The following NRDC variants were observed in gnomAD, a reference collection of about 807,000 sequenced individuals.
NRDC encodes the protein nardilysin convertase, also known as nardilysin.
NRDC carries 54 observed loss-of-function variants against 147.1 expected under a neutral mutation model. The observed-to-expected ratio is 0.37, with a 90% confidence interval of 0.29 to 0.46. The LOEUF is 0.46. Ranked by LOEUF, NRDC falls within the 20% of genes least tolerant of loss-of-function variation. The pLI, the probability that NRDC is intolerant of heterozygous loss-of-function variation, is 1.00. For synonymous variants in NRDC, 440 were observed against 482.1 expected, an observed-to-expected ratio of 0.91 and a Z score of 1.14; for missense variants, 1,082 against 1,370.6, an observed-to-expected ratio of 0.79 and a Z score of 3.33.
At chr1:51,803,522 T>A (rs1167342787) in intron 20 of NRDC, among the ~76,000 whole-genome samples, 1 of 150,340 alleles carries the variant, frequency 6.7e-6, no homozygotes, top group Admixed American at 6.6e-5. Flanking sequence ...AAAATTTAGC[T>A]AGAACCAATC....
In NRDC at chr1:51,789,291, A is replaced by AT; in HGVS notation, c.3400dup (p.Ile1134AsnfsTer15). ...GTTGAGTGTTGTTGTGAAAGCCCTG[A>AT]TATCAGTAATGGGGATGATACAATC... is the stretch of plus-strand genomic sequence containing the variant. On this transcript the variant is annotated frameshift_variant, in exon 31 of 31. Coordinates refer to ENST00000352171, the MANE Select transcript of NRDC (RefSeq NM_001101662.2). LOFTEE classifies it high-confidence loss of function. 3 of 1,614,160 alleles carry AT rather than the reference A, an allele frequency of 1.9e-6. No homozygotes were observed. Among genetic ancestry groups the AT allele is most frequent in the African/African-American group, 1.3e-5 (1 of 75,044 alleles).
rs946660320 is a variant in NRDC at position 51,878,685 on chromosome 1, G to A, written c.-70C>T. ...ACCTCCTCCGCGTTCTAGAGGCGGTGGCGGCCGGCCCTGGTGCTGCCGCAG... is the reference window on the plus strand; with the variant it reads ...ACCTCCTCCGCGTTCTAGAGGCGGTAGCGGCCGGCCCTGGTGCTGCCGCAG... On this transcript the variant is annotated 5_prime_UTR_variant, in exon 1 of 31. Coordinates refer to ENST00000352171, the MANE Select transcript of NRDC (RefSeq NM_001101662.2). 90 of 1,409,122 alleles carry A rather than the reference G, an allele frequency of 6.4e-5. No homozygotes were observed. Among genetic ancestry groups the A allele is most frequent in the Non-Finnish European group, 8.7e-5 (90 of 1,031,204 alleles). 87.3% of individuals were successfully genotyped at this position (1,409,122 alleles called of 1,614,324 possible).
intron 1 of NRDC, among the ~76,000 whole-genome samples, chr1:51,869,095 G>A (rs1217213770): frequency 6.6e-6 from 1 of 151,844 alleles, no homozygotes. Context: ...GCTTGGTGGT[G>A]CACACCACCA....
intron 4 of NRDC, among the ~76,000 whole-genome samples, chr1:51,830,224 A>G (rs1261034448): frequency 1.3e-5 from 2 of 152,078 alleles, no homozygotes; most frequent in African/African-American, 2.4e-5. Context: ...CGGCCTCCCA[A>G]AGTGCTGAGA....
intron 21 of NRDC, 36 bp downstream of exon 21, chr1:51,800,520 G>A: frequency 6.2e-7 from 1 of 1,610,224 alleles, no homozygotes; most frequent in Non-Finnish European, 8.5e-7. Flanking sequence ...ATACTTTCAG[G>A]TCCTCAAAAT....
intron 1 of NRDC, among the ~76,000 whole-genome samples, chr1:51,874,211 G>A (rs1683219862): frequency 6.6e-6 from 1 of 150,608 alleles, no homozygotes. Context: ...AGAAATACAG[G>A]TCTTTTTACG....
intron 1 of NRDC, among the ~76,000 whole-genome samples, chr1:51,862,571 A>G (rs1682595417): frequency 6.6e-6 from 1 of 152,032 alleles, no homozygotes. Context: ...AATAATTTTT[A>G]AAATTAGCCC....
intron 19 of NRDC, 63 bp from the exon 20 acceptor site, chr1:51,804,027 G>A (rs372827904): frequency 1.9e-5 from 27 of 1,427,582 alleles, no homozygotes; most frequent in African/African-American, 1.7e-4. Flanking sequence ...AAATAGATTT[G>A]CTTCAATTTA....
chr1:51,870,797 T>A (rs1380328192), intron 1 of NRDC, among the ~76,000 whole-genome samples: 1 of 149,472 alleles, frequency 6.7e-6, no homozygotes, highest in Admixed American at 6.6e-5. Context: ...AATTAGTAAT[T>A]AATAATTACT....
At position 51,791,705 on chromosome 1, in the gene NRDC, T is replaced by C. The variant is rs184972852; in HGVS notation, c.2877-44A>G. ...AGTTATATGAGCTCAGGTGATCATC[T>C]GGGCCCTGGCCTTGGAGGCACTAGA... On this transcript the variant is annotated intron_variant, in intron 26 of 30. Coordinates refer to ENST00000352171, the MANE Select transcript of NRDC (RefSeq NM_001101662.2). 4.8e-5 allele frequency: 71 copies of C among 1,491,264 alleles called. No homozygotes were observed. In the Admixed American group the frequency reaches 8.2e-4, roughly 17 times the overall value. 92.4% of individuals were successfully genotyped at this position (1,491,264 alleles called of 1,614,324 possible).
chr1:51,843,950 C>T (rs372238603), intron 1 of NRDC, among the ~76,000 whole-genome samples: 1 of 151,312 alleles, frequency 6.6e-6, no homozygotes, highest in Non-Finnish European at 1.5e-5. Flanking sequence ...TTTTCATAAA[C>T]AGAACAGAAA....
In NRDC at chr1:51,792,390, A is replaced by G. The variant is rs1210327716; in HGVS notation, c.2810T>C (p.Met937Thr). 9 of 1,614,056 alleles carry G rather than the reference A, an allele frequency of 5.6e-6. 1 individual carries two copies. The South Asian group carries it at 7.7e-5, about 14-fold the overall frequency. ...TTATGCACTTACCACAAGCAGCTCC[A>G]TAAGCGTATATTCTCTTAGACTCCT... ...GTRSLREYTL[M>T]ELLVMHMEEP... Residue 937 changes from methionine to threonine, a missense_variant, in exon 25 of 31, where the codon ATG (methionine) becomes ACG (threonine). Physicochemically the swap from Met to Thr is moderately conservative, Grantham distance 81. Coordinates refer to ENST00000352171, the MANE Select transcript of NRDC (RefSeq NM_001101662.2).
chr1:51,848,605 T>C (rs918986378), intron 1 of NRDC, among the ~76,000 whole-genome samples: 3 of 152,166 alleles, frequency 2.0e-5, no homozygotes, highest in African/African-American at 4.8e-5. Context: ...TATTAATAAA[T>C]AGAATTCAGC....
At chr1:51,840,611 G>C in intron 1 of NRDC, 97 bp from the exon 2 acceptor site, 1 of 837,506 alleles carries the variant, frequency 1.2e-6, no homozygotes, top group African/African-American at 1.7e-5. Flanking sequence ...AAGAATCCAA[G>C]TAAAAGTACA....
At chr1:51,799,517 A>G (rs1315282458) in intron 21 of NRDC, among the ~76,000 whole-genome samples, 1 of 152,138 alleles carries the variant, frequency 6.6e-6, no homozygotes, top group Non-Finnish European at 1.5e-5. Context: ...TGATGGGTTC[A>G]TTACAGCTGT....
At chr1:51,836,477 A>G (rs536116389) in intron 2 of NRDC, 2 of 1,563,412 alleles carry the variant, frequency 1.3e-6, no homozygotes, top group Non-Finnish European at 8.8e-7. Flanking sequence ...AAAAAAGGGA[A>G]GAGGGACTGG....
intron 1 of NRDC, among the ~76,000 whole-genome samples, chr1:51,870,839 G>A (rs1183413023): frequency 2.0e-5 from 3 of 151,590 alleles, no homozygotes; most frequent in Non-Finnish European, 4.4e-5. Flanking sequence ...AATACAGACA[G>A]TAATCTATTA....
chr1:51,871,481 T>G (rs1683080908), intron 1 of NRDC, among the ~76,000 whole-genome samples: 1 of 118,240 alleles, frequency 8.5e-6, no homozygotes, highest in Admixed American at 1.1e-4. Context: ...CTATCATCAC[T>G]CCTTGCTTCA....
In NRDC at chr1:51,790,880, G is replaced by C; in HGVS notation, c.3051+20C>G. On this transcript the variant is annotated intron_variant, in intron 28 of 30. Transcript: ENST00000352171. Reference sequence around the variant, plus strand: ...GGCTTGTGTGGGCCAAAGGCCAAAAGACCAGGCTGGCACAGTCACCTGGGT... The same window carrying C: ...GGCTTGTGTGGGCCAAAGGCCAAAACACCAGGCTGGCACAGTCACCTGGGT... 1.4e-5 allele frequency: 22 copies of C among 1,598,270 alleles called. No homozygotes were observed. Among genetic ancestry groups the C allele is most frequent in the Non-Finnish European group, 1.8e-5 (21 of 1,168,110 alleles).
Sources: gnomAD v4.1 joint callset for allele counts (sites outside exome capture counted in the v4.1 genomes callset) on GRCh38, gnomAD v4.1.1 for gene constraint, MANE v1.5 for transcripts, NCBI Gene and HGNC (gene_info 2026-07-23, HGNC 2026-07-21) for gene names.